The following KIF6 variants were observed in gnomAD, a reference collection of about 807,000 sequenced individuals.
KIF6 encodes kinesin-like protein KIF6.
In KIF6, 106 loss-of-function variants were observed where a neutral mutation model predicts 112.7. That is an observed-to-expected ratio of 0.94 (90% CI 0.80 to 1.11). KIF6 has a LOEUF of 1.11. Ranked by LOEUF, KIF6 falls within the 50% of genes least tolerant of loss-of-function variation. KIF6 has a pLI of 0.00. For synonymous variants in KIF6, 339 were observed against 339.9 expected (o/e 1.00, Z 0.03); for missense variants, 929 against 964.0 (o/e 0.96, Z 0.48).
At chr6:39,427,903 C>G (rs1770882757) in intron 14 of KIF6, among the ~76,000 whole-genome samples, 1 of 152,154 alleles carries the variant, frequency 6.6e-6, no homozygotes, top group Non-Finnish European at 1.5e-5. Context: ...TGAAAATAGA[C>G]CTAAACTCAG....
At chr6:39,694,755 A>G (rs1421673745) in intron 3 of KIF6, among the ~76,000 whole-genome samples, 2 of 152,150 alleles carry the variant, frequency 1.3e-5, no homozygotes, top group African/African-American at 2.4e-5. Flanking sequence ...AAGCAATCAA[A>G]TAATTCAACA....
At chr6:39,644,062 A>G (rs1785041555) in intron 3 of KIF6, among the ~76,000 whole-genome samples, 1 of 152,152 alleles carries the variant, frequency 6.6e-6, no homozygotes, top group Non-Finnish European at 1.5e-5. Flanking sequence ...CAAATGGCCA[A>G]TAACATATAA....
At position 39,559,643 on chromosome 6, in the gene KIF6, A is replaced by C. The variant is rs956640472; in HGVS notation, c.1182-13955T>G. Among the ~76,000 whole-genome samples, 3 of 152,198 alleles carry C rather than the reference A, an allele frequency of 2.0e-5. No homozygotes were observed. The South Asian group carries it at 6.2e-4, about 31-fold the overall frequency. On this transcript the variant is annotated intron_variant, in intron 10 of 22. Coordinates refer to ENST00000287152, the MANE Select transcript of KIF6 (RefSeq NM_145027.6). The stretch of plus-strand genomic sequence containing the variant: ...CATTGCATATAGGGAGAGTCTAACA[A>C]GACAGGGAATAAAAAATCAATAATA...
chr6:39,702,277 G>C (rs1163787124), intron 3 of KIF6, among the ~76,000 whole-genome samples: 1 of 152,114 alleles, frequency 6.6e-6, no homozygotes, highest in Non-Finnish European at 1.5e-5. Flanking sequence ...AAGAGTGATA[G>C]TCTGATGGCC....
intron 13 of KIF6, among the ~76,000 whole-genome samples, chr6:39,490,014 C>T (rs894957279): frequency 6.6e-6 from 1 of 152,182 alleles, no homozygotes; most frequent in African/African-American, 2.4e-5. Context: ...GTTAAATGTG[C>T]ATGCTCATAG....
At chr6:39,472,604 C>A (rs1581929894) in intron 13 of KIF6, among the ~76,000 whole-genome samples, 2 of 152,196 alleles carry the variant, frequency 1.3e-5, no homozygotes, top group South Asian at 2.1e-4. Flanking sequence ...TCCTCTCTCC[C>A]CCTTCCCACG....
intron 10 of KIF6, among the ~76,000 whole-genome samples, chr6:39,570,689 G>T (rs1024219008): frequency 6.6e-6 from 1 of 152,008 alleles, no homozygotes; most frequent in Non-Finnish European, 1.5e-5. Context: ...TTGATAATGA[G>T]TAAGTTCTCA....
intron 19 of KIF6, among the ~76,000 whole-genome samples, chr6:39,352,747 G>A (rs368650067): frequency 2.0e-5 from 3 of 151,988 alleles, no homozygotes; most frequent in African/African-American, 7.3e-5. Context: ...GGGATTACAC[G>A]TGCATGCCAA....
chr6:39,648,041 T>G (rs1363607989), intron 3 of KIF6, among the ~76,000 whole-genome samples: 2 of 148,332 alleles, frequency 1.3e-5, no homozygotes, highest in Non-Finnish European at 3.0e-5. Flanking sequence ...TTTTTTTTTT[T>G]GAGACAGAGT....
intron 3 of KIF6, among the ~76,000 whole-genome samples, chr6:39,650,132 A>C (rs763369102): frequency 3.9e-5 from 6 of 152,232 alleles, no homozygotes; most frequent in African/African-American, 7.2e-5. Context: ...CTTCAAACCA[A>C]ACTTTGCAAG....
chr6:39,441,330 A>G (rs748779787), intron 13 of KIF6, among the ~76,000 whole-genome samples: 2 of 152,200 alleles, frequency 1.3e-5, no homozygotes, highest in Non-Finnish European at 2.9e-5. Context: ...TTAAATGACA[A>G]CTGCCATTTG....
intron 3 of KIF6, among the ~76,000 whole-genome samples, chr6:39,697,541 C>CTTT (rs35838361): frequency 2.3e-5 from 3 of 131,478 alleles, no homozygotes. Context: ...TTTATCCTTT[C>CTTT]TTTTTTTTTT....
intron 4 of KIF6, among the ~76,000 whole-genome samples, chr6:39,638,539 T>C (rs542168838): frequency 6.8e-4 from 103 of 152,272 alleles, no homozygotes; most frequent in African/African-American, 2.5e-3. Flanking sequence ...TTTTCTGGCA[T>C]GCAAAGCTGG....
chr6:39,654,444 T>C (rs988100838), intron 3 of KIF6, among the ~76,000 whole-genome samples: 20 of 152,184 alleles, frequency 1.3e-4, no homozygotes, highest in African/African-American at 4.6e-4. Flanking sequence ...GTCAGGGACC[T>C]TTCTCCATCA....
chr6:39,634,532 T>C (rs1784521741), intron 5 of KIF6, among the ~76,000 whole-genome samples: 1 of 152,108 alleles, frequency 6.6e-6, no homozygotes, highest in Admixed American at 6.6e-5. Flanking sequence ...CAGGGTTTCA[T>C]GTGGCAGGAA....
At chr6:39,366,933 T>C (rs75499709) in intron 16 of KIF6, among the ~76,000 whole-genome samples, 8 of 151,340 alleles carry the variant, frequency 5.3e-5, no homozygotes, top group African/African-American at 1.9e-4. Flanking sequence ...CTACTCCAAA[T>C]TGAACAACAG....
intron 13 of KIF6, among the ~76,000 whole-genome samples, chr6:39,482,642 C>T (rs535436448): frequency 2.1e-4 from 32 of 152,264 alleles, no homozygotes; most frequent in Admixed American, 1.9e-3. Context: ...GTATTGGGCT[C>T]GTGATGTTAC....
chr6:39,392,533 G>T (rs751886582), intron 15 of KIF6, among the ~76,000 whole-genome samples: 1 of 152,120 alleles, frequency 6.6e-6, no homozygotes, highest in South Asian at 2.1e-4. Flanking sequence ...TCTTTAAAAA[G>T]AATAAGAAAT....
At chr6:39,626,603 T>A (rs1784107890) in intron 5 of KIF6, among the ~76,000 whole-genome samples, 1 of 152,176 alleles carries the variant, frequency 6.6e-6, no homozygotes, top group South Asian at 2.1e-4. Flanking sequence ...AGATAATGTA[T>A]GCACAGTCCT....
Sources: allele counts gnomAD v4.1 joint callset (sites outside exome capture counted in the v4.1 genomes callset), GRCh38; gene constraint gnomAD v4.1.1; transcripts MANE v1.5; gene names NCBI Gene and HGNC (gene_info 2026-07-23, HGNC 2026-07-21).